The following RAB6A variants were observed in gnomAD, a reference collection of about 807,000 sequenced individuals.
RAB6A encodes the protein ras-related protein Rab-6A.
In RAB6A, 8 loss-of-function variants were observed where a neutral mutation model predicts 32.3. That is an observed-to-expected ratio of 0.25 (90% CI 0.15 to 0.45). RAB6A has a LOEUF of 0.45. RAB6A is among the 20% of genes least tolerant of loss of function. RAB6A has a pLI of 1.00. For synonymous variants in RAB6A, 73 were observed against 82.1 expected (o/e 0.89, Z 0.60); for missense variants, 104 against 249.4 (o/e 0.42, Z 3.93).
chr11:73,760,815 C>T lies in RAB6A; in HGVS notation c.-180G>A. On this transcript the variant is annotated 5_prime_UTR_variant, in exon 1 of 8. Transcript: ENST00000336083. ...GGACTCTCCACAGACTGGCAGCCGC[C>T]GCCGCCTCCCGGCAGAGTAGCCTAG... The T allele has an allele frequency of 3.6e-6, 3 of 834,392 alleles. No individual in the cohort carries two copies. The South Asian group carries it at 5.7e-5, about 16-fold the overall frequency. 51.7% of individuals were successfully genotyped at this position (834,392 alleles called of 1,614,324 possible). A position where few individuals can be genotyped will look rare whatever the true frequency, so the allele number is the denominator to read the frequency against.
chr11:73,734,460 G>A (rs908898515), intron 1 of RAB6A, among the ~76,000 whole-genome samples: 17 of 152,056 alleles, frequency 1.1e-4, no homozygotes, highest in African/African-American at 3.9e-4. Context: ...AAAAAAAATG[G>A]CAAACCCAAA....
At chr11:73,714,648 C>T (rs965828654) in intron 5 of RAB6A, among the ~76,000 whole-genome samples, 2 of 150,066 alleles carry the variant, frequency 1.3e-5, no homozygotes, top group African/African-American at 4.9e-5. Context: ...GGTGACAATG[C>T]GAGACTCCAA....
At chr11:73,751,357 A>G (rs1215760644) in intron 1 of RAB6A, among the ~76,000 whole-genome samples, 1 of 152,212 alleles carries the variant, frequency 6.6e-6, no homozygotes, top group Non-Finnish European at 1.5e-5. Context: ...TGAATCATCC[A>G]AGTTAGAAAG....
chr11:73,737,765 CG>C (rs1437145781), intron 1 of RAB6A, among the ~76,000 whole-genome samples: 3 of 151,830 alleles, frequency 2.0e-5, no homozygotes, highest in Admixed American at 6.6e-5. Flanking sequence ...GAGGCCAAGG[CG>C]GGTGGATCAT....
chr11:73,756,400 A>C (rs1590898360), intron 1 of RAB6A, among the ~76,000 whole-genome samples: 1 of 152,022 alleles, frequency 6.6e-6, no homozygotes, highest in East Asian at 1.9e-4. Flanking sequence ...ACAATAAGAC[A>C]TTTTTTCCTT....
At chr11:73,721,791 A>C (rs577215598) in intron 2 of RAB6A, among the ~76,000 whole-genome samples, 1 of 152,300 alleles carries the variant, frequency 6.6e-6, no homozygotes, top group East Asian at 1.9e-4. Context: ...ATATTCCTTA[A>C]AACAGAAACT....
intron 2 of RAB6A, among the ~76,000 whole-genome samples, chr11:73,725,417 C>G (rs1946201427): frequency 6.6e-6 from 1 of 152,148 alleles, no homozygotes; most frequent in Non-Finnish European, 1.5e-5. Context: ...GTGTATTAGT[C>G]TGTTTTGGCG....
At chr11:73,723,638 AT>A (rs781031004) in intron 2 of RAB6A, among the ~76,000 whole-genome samples, 80 of 152,234 alleles carry the variant, frequency 5.3e-4, no homozygotes, top group Non-Finnish European at 1.1e-3. Context: ...CGAAAGAAAT[AT>A]TTATTGATTG....
chr11:73,758,258 C>A (rs940216761), intron 1 of RAB6A, among the ~76,000 whole-genome samples: 2 of 152,296 alleles, frequency 1.3e-5, no homozygotes, highest in African/African-American at 4.8e-5. Context: ...ATTAACTTCA[C>A]ATCCTGAATT....
chr11:73,745,589 T>A (rs909137178), intron 1 of RAB6A, among the ~76,000 whole-genome samples: 17 of 151,690 alleles, frequency 1.1e-4, no homozygotes, highest in African/African-American at 3.9e-4. Flanking sequence ...TATTAAAAAT[T>A]CAAAAATGAG....
At chr11:73,758,871 C>T (rs985625792) in intron 1 of RAB6A, among the ~76,000 whole-genome samples, 4 of 152,114 alleles carry the variant, frequency 2.6e-5, no homozygotes, top group Non-Finnish European at 5.9e-5. Flanking sequence ...GGACTAGAAG[C>T]AACTCCATAG....
At position 73,677,239 on chromosome 11, in the gene RAB6A, G is replaced by A. The variant is rs1945282338; in HGVS notation, c.*659C>T. 1 of 167,390 alleles carries A rather than the reference G, an allele frequency of 6.0e-6. No homozygotes were observed. The highest frequency in any genetic ancestry group is 1.5e-5 in the Non-Finnish European group (1 of 68,382). 10.4% of individuals were successfully genotyped at this position (167,390 alleles called of 1,614,324 possible). On this transcript the variant is annotated 3_prime_UTR_variant, in exon 8 of 8. Coordinates refer to ENST00000336083, the MANE Select transcript of RAB6A (RefSeq NM_198896.2). ...TATGTTCTTTAGGACTCATTTTGAA[G>A]ATGCACCAGGAGCCTTTTCTCATTC... is the stretch of plus-strand genomic sequence containing the variant.
intron 1 of RAB6A, among the ~76,000 whole-genome samples, chr11:73,743,897 G>A (rs1048612996): frequency 6.6e-6 from 1 of 152,052 alleles, no homozygotes; most frequent in Non-Finnish European, 1.5e-5. Flanking sequence ...ATTACTTTCA[G>A]CCTAAGATTG....
intron 1 of RAB6A, among the ~76,000 whole-genome samples, chr11:73,755,545 G>A (rs1331437329): frequency 6.6e-6 from 1 of 152,096 alleles, no homozygotes; most frequent in African/African-American, 2.4e-5. Flanking sequence ...CACCCACTTC[G>A]GCCTCCCAAA....
At chr11:73,758,072 T>C (rs1037080026) in intron 1 of RAB6A, among the ~76,000 whole-genome samples, 1 of 152,242 alleles carries the variant, frequency 6.6e-6, no homozygotes, top group Non-Finnish European at 1.5e-5. Context: ...AATTGTGGAA[T>C]TCTAACAGAC....
intron 5 of RAB6A, among the ~76,000 whole-genome samples, chr11:73,711,224 C>T (rs1208908427): frequency 6.6e-6 from 1 of 152,188 alleles, no homozygotes; most frequent in East Asian, 1.9e-4. Flanking sequence ...CCTGCTGAAG[C>T]TTCTCCTGGA....
At chr11:73,746,597 C>G (rs1590888545) in intron 1 of RAB6A, among the ~76,000 whole-genome samples, 1 of 152,132 alleles carries the variant, frequency 6.6e-6, no homozygotes, top group Non-Finnish European at 1.5e-5. Context: ...AGCAAGACCT[C>G]ATCTCTGCTA....
intron 2 of RAB6A, chr11:73,730,378 A>T (rs1191817559): frequency 6.2e-6 from 1 of 160,548 alleles, no homozygotes; most frequent in African/African-American, 2.4e-5. Context: ...ATTTTCACAT[A>T]TTTGTGAATG....
intron 6 of RAB6A, among the ~76,000 whole-genome samples, chr11:73,688,687 C>T (rs1945498120): frequency 6.6e-6 from 1 of 152,152 alleles, no homozygotes; most frequent in Admixed American, 6.5e-5. Context: ...ATTCTTTTTG[C>T]CATAAATAGC....
Sources: gnomAD v4.1 joint callset for allele counts (sites outside exome capture counted in the v4.1 genomes callset) on GRCh38, gnomAD v4.1.1 for gene constraint, MANE v1.5 for transcripts, NCBI Gene and HGNC (gene_info 2026-07-23, HGNC 2026-07-21) for gene names.